The following NPHP4 variants were observed in gnomAD, a reference collection of about 807,000 sequenced individuals.
The protein encoded by NPHP4 is nephrocystin-4.
In NPHP4, 151 loss-of-function variants were observed where a neutral mutation model predicts 155.8. The ratio of observed to expected loss-of-function variants is 0.97; its 90% CI spans 0.85 to 1.11. The LOEUF (loss-of-function observed/expected upper bound fraction) is 1.11, where lower values mean the gene tolerates loss of function less well. Among genes scored for constraint, NPHP4 ranks in the 50% least tolerant of loss-of-function variants. The pLI, the probability that NPHP4 is intolerant of heterozygous loss-of-function variation, is 0.00. For missense variants in NPHP4, 1,956 were observed against 1,925.7 expected (o/e 1.02, Z -0.29); for synonymous variants, 845 against 816.8 (o/e 1.03, Z -0.59).
Position 5,947,197 on chromosome 1 carries a change from G to A in NPHP4, c.1026C>T (p.Arg342=), listed in dbSNP as rs1270570249. ...GGCCGACCATCTCTGGGAGGCGGAG[G>A]CGGCTTCTCAAAACCAGAGCTTGGC... ...SGSQALVLRS[R]LRLPEMVGHP... is the part of the protein sequence containing the mutation. The change falls in exon 9 of 30, where the codon CGC becomes CGT. Residue 342 remains arginine (R), a synonymous_variant. Coordinates refer to ENST00000378156, the MANE Select transcript of NPHP4 (RefSeq NM_015102.5). 2.5e-6 allele frequency: 4 copies of A among 1,613,892 alleles called. No homozygotes were observed. Among genetic ancestry groups the A allele is most frequent in the Admixed American group, 3.3e-5 (2 of 60,028 alleles).
At chr1:5,917,930 A>T (rs1160647145) in intron 11 of NPHP4, among the ~76,000 whole-genome samples, 2 of 152,218 alleles carry the variant, frequency 1.3e-5, no homozygotes. Flanking sequence ...CTACTGGCGC[A>T]ACCCAGCAAT....
intron 11 of NPHP4, among the ~76,000 whole-genome samples, chr1:5,917,364 C>G (rs1645527628): frequency 6.6e-6 from 1 of 152,068 alleles, no homozygotes; most frequent in Non-Finnish European, 1.5e-5. Flanking sequence ...TGGAGAAACT[C>G]TACCCGGAAA....
intron 23 of NPHP4, among the ~76,000 whole-genome samples, chr1:5,870,362 T>G (rs1400720138): frequency 1.3e-5 from 2 of 152,172 alleles, no homozygotes; most frequent in African/African-American, 4.8e-5. Flanking sequence ...TCATTGTTCA[T>G]AAGGATATAA....
At chr1:5,874,774 C>T (rs1210008779) in intron 21 of NPHP4, 100 bp downstream of exon 21, 29 of 1,522,926 alleles carry the variant, frequency 1.9e-5, no homozygotes, top group Non-Finnish European at 2.6e-5. Context: ...AGTCAAATCG[C>T]CCCGGCTCTC....
In NPHP4 at chr1:5,873,088, C is replaced by G. The variant is rs369472660; in HGVS notation, c.3315+164G>C. Reference sequence around the variant, plus strand: ...GTGCCAGCGCCCAGACGGAGCTGCCCTGCCCAGCGAGGACACGGAAAAGGC... The same window carrying G: ...GTGCCAGCGCCCAGACGGAGCTGCCGTGCCCAGCGAGGACACGGAAAAGGC... On this transcript the variant is annotated intron_variant, in intron 23 of 29. Transcript: ENST00000378156. 2.0e-5 allele frequency among the ~76,000 whole-genome samples: 3 copies of G among 152,324 alleles called. No individual in the cohort carries two copies. In the East Asian group the frequency reaches 5.8e-4, roughly 29 times the overall value.
chr1:5,909,132 C>T lies in NPHP4; in HGVS notation c.1503+20G>A, dbSNP rs1334961772. The T allele has an allele frequency of 1.1e-5, 18 of 1,575,742 alleles. No individual in the cohort carries two copies. The highest frequency in any genetic ancestry group is 6.9e-5 in the East Asian group (3 of 43,510). On this transcript the variant is annotated intron_variant, in intron 12 of 29. Coordinates refer to ENST00000378156, the MANE Select transcript of NPHP4 (RefSeq NM_015102.5). ...TTGACTCTGGAATTCTGAAGGAGGC[C>T]GTGGGGGGCCTGGACTTACCCCTGG...
At chr1:5,872,534 A>C (rs1470410743) in intron 23 of NPHP4, among the ~76,000 whole-genome samples, 1 of 152,200 alleles carries the variant, frequency 6.6e-6, no homozygotes, top group East Asian at 1.9e-4. Flanking sequence ...ACTTAAATAA[A>C]ATAAAGCAAG....
chr1:5,913,336 GA>G (rs1485085733), intron 11 of NPHP4, among the ~76,000 whole-genome samples: 1 of 152,136 alleles, frequency 6.6e-6, no homozygotes, highest in Non-Finnish European at 1.5e-5. Context: ...CTGTGATCCA[GA>G]AATGGTCCAC....
At chr1:5,990,490 AG>A (rs1357675406) in intron 1 of NPHP4, among the ~76,000 whole-genome samples, 1 of 152,088 alleles carries the variant, frequency 6.6e-6, no homozygotes, top group Non-Finnish European at 1.5e-5. Flanking sequence ...ACTTTTAATG[AG>A]CCCCTGATGC....
intron 11 of NPHP4, among the ~76,000 whole-genome samples, chr1:5,912,294 T>C (rs891902486): frequency 6.6e-6 from 1 of 151,940 alleles, no homozygotes; most frequent in African/African-American, 2.4e-5. Context: ...ATCCCAGCAC[T>C]TTGGGAGGCC....
Position 5,864,335 on chromosome 1 carries a change from G to A in NPHP4, c.3996+3C>T, listed in dbSNP as rs373386232. On this transcript the variant is annotated splice_donor_region_variant and intron_variant, in intron 28 of 29. Coordinates refer to ENST00000378156, the MANE Select transcript of NPHP4 (RefSeq NM_015102.5). ...TCAGCCTGTGCCTGCCACACATACA[G>A]ACCTTGGAGATGAGCGGCTGGCGGC... The A allele has an allele frequency of 2.3e-5, 37 of 1,602,942 alleles. No homozygotes were observed. In the African/African-American group the frequency reaches 4.7e-4, roughly 20 times the overall value.
chr1:5,987,633 T>C (rs1180060545), intron 1 of NPHP4, among the ~76,000 whole-genome samples: 1 of 152,186 alleles, frequency 6.6e-6, no homozygotes, highest in Non-Finnish European at 1.5e-5. Flanking sequence ...CTTCTTGACC[T>C]TTGAGTACAC....
chr1:5,931,067 A>G (rs1214345464), intron 10 of NPHP4, among the ~76,000 whole-genome samples: 1 of 152,328 alleles, frequency 6.6e-6, no homozygotes, highest in East Asian at 1.9e-4. Flanking sequence ...TTTGTCTGAT[A>G]GTGTCAATAG....
At chr1:5,962,140 T>G (rs1039248238) in intron 5 of NPHP4, among the ~76,000 whole-genome samples, 191 bp from the exon 6 acceptor site, 2 of 152,220 alleles carry the variant, frequency 1.3e-5, no homozygotes. Flanking sequence ...CTGGTAAAGT[T>G]ACAATTTAAA....
At chr1:5,874,832 C>G in intron 21 of NPHP4, 42 bp downstream of exon 21, 1 of 1,591,952 alleles carries the variant, frequency 6.3e-7, no homozygotes, top group Non-Finnish European at 8.6e-7. Context: ...GCACCCGACA[C>G]AGATCTGGGC....
At chr1:5,990,811 C>T (rs1295322654) in intron 1 of NPHP4, among the ~76,000 whole-genome samples, 2 of 152,218 alleles carry the variant, frequency 1.3e-5, no homozygotes, top group African/African-American at 4.8e-5. Flanking sequence ...TCTTTAACTT[C>T]AGGACAGATT....
At chr1:5,868,107 G>A in intron 23 of NPHP4, 1 of 694,090 alleles carries the variant, frequency 1.4e-6, no homozygotes, top group South Asian at 1.6e-5. Context: ...CAAGGTCTGG[G>A]CCGGCACCCA....
intron 23 of NPHP4, among the ~76,000 whole-genome samples, chr1:5,868,706 G>GCC (rs1036257209): frequency 1.5e-5 from 2 of 133,886 alleles, no homozygotes; most frequent in African/African-American, 5.5e-5. Flanking sequence ...ATGCACGCAT[G>GCC]CCCCACACAC....
At chr1:5,906,601 A>G (rs11122130) in intron 13 of NPHP4, among the ~76,000 whole-genome samples, 3,989 of 152,374 alleles carry the variant, frequency 0.026, 144 homozygotes, top group African/African-American at 0.088. Flanking sequence ...GTTAAGACCA[A>G]AGATGCAGTT....
Sources: gnomAD v4.1 joint callset for allele counts (sites outside exome capture counted in the v4.1 genomes callset) on GRCh38, gnomAD v4.1.1 for gene constraint, MANE v1.5 for transcripts, NCBI Gene and HGNC (gene_info 2026-07-23, HGNC 2026-07-21) for gene names.